The following TRAF6 variants were observed in gnomAD, a reference collection of about 807,000 sequenced individuals.
TRAF6 encodes TNF receptor associated factor 6.
In TRAF6, 10 loss-of-function variants were observed where a neutral mutation model predicts 48.4. That is an observed-to-expected ratio of 0.21 (90% CI 0.13 to 0.35). The LOEUF is 0.35. Ranked by LOEUF, TRAF6 falls within the 10% of genes least tolerant of loss-of-function variation. TRAF6 has a pLI of 1.00. For missense variants in TRAF6, 397 were observed against 661.0 expected (o/e 0.60, Z 4.38); for synonymous variants, 186 against 219.6 (o/e 0.85, Z 1.35).
At position 36,490,345 on chromosome 11, in the gene TRAF6, A is replaced by T. The variant is rs141250243; in HGVS notation, c.1062T>A (p.Ile354=). The change falls in exon 7 of 7, where the codon ATT becomes ATA. Residue 354 remains isoleucine (I), a synonymous_variant. Coordinates refer to ENST00000526995, the MANE Select transcript of TRAF6 (RefSeq NM_004620.4). This position sits in a 1 kb window ranked among gnomAD's most constrained non-coding sequence, Gnocchi z 6.4. ...IEAQQCNGIY[I]WKIGNFGMHL... ...GCATTCCAAAGTTGCCAATCTTCCA[A>T]ATATAAATTCCATTGCACTGCTGTG... is the stretch of plus-strand genomic sequence containing the variant. 4.3e-5 allele frequency: 69 copies of T among 1,614,184 alleles called. No individual in the cohort carries two copies. In the African/African-American group the frequency reaches 7.1e-4, roughly 17 times the overall value.
At chr11:36,498,115 A>C (rs989150055) in intron 3 of TRAF6, among the ~76,000 whole-genome samples, 1 of 151,924 alleles carries the variant, frequency 6.6e-6, no homozygotes, top group Non-Finnish European at 1.5e-5. Context: ...TGAACTCCTG[A>C]CCTCGTGATC....
rs778820973 is a variant in TRAF6 at position 36,489,677 on chromosome 11, A to G, written c.*161T>C. The G allele has an allele frequency of 1.2e-6, 1 of 845,348 alleles. No individual in the cohort carries two copies. Among genetic ancestry groups the G allele is most frequent in the Non-Finnish European group, 1.8e-6 (1 of 542,232 alleles). The allele number at this position is 845,348 out of a possible 1,614,324, so 52.4% of individuals were successfully genotyped here. A position where few individuals can be genotyped will look rare whatever the true frequency, so the allele number is the denominator to read the frequency against. ...GATTCCCAGGAAAAAACTGCCTCAG[A>G]TCATTTGTAACAGGAAGAAATAGTA... is the stretch of plus-strand genomic sequence containing the variant. On this transcript the variant is annotated 3_prime_UTR_variant, in exon 7 of 7. Coordinates refer to ENST00000526995, the MANE Select transcript of TRAF6 (RefSeq NM_004620.4).
At chr11:36,509,755 A>G (rs1255025155) in intron 1 of TRAF6, among the ~76,000 whole-genome samples, 1 of 151,946 alleles carries the variant, frequency 6.6e-6, no homozygotes, top group African/African-American at 2.4e-5. Context: ...GCGTGGGGAC[A>G]GAGGCTGCGT....
intron 5 of TRAF6, among the ~76,000 whole-genome samples, chr11:36,493,149 A>C (rs1469231319): frequency 2.6e-5 from 4 of 152,226 alleles, no homozygotes; most frequent in African/African-American, 9.6e-5. Flanking sequence ...AGATGTTAGA[A>C]GGTACTTTAA....
intron 5 of TRAF6, among the ~76,000 whole-genome samples, chr11:36,493,293 T>C (rs1290111061): frequency 6.6e-6 from 1 of 152,218 alleles, no homozygotes; most frequent in Non-Finnish European, 1.5e-5. Context: ...AGAAATTTAA[T>C]GTAGCTATAG....
At chr11:36,497,717 TTC>T (rs774762109) in intron 3 of TRAF6, among the ~76,000 whole-genome samples, 3 of 152,178 alleles carry the variant, frequency 2.0e-5, no homozygotes, top group Non-Finnish European at 2.9e-5. Context: ...ATCTGATTGT[TTC>T]TGTTAATCTG....
Position 36,501,334 on chromosome 11 carries a change from T to A in TRAF6, c.182A>T (p.Asp61Val). 1 of 1,614,020 alleles carries A rather than the reference T, an allele frequency of 6.2e-7. No homozygotes were observed. Among genetic ancestry groups the A allele is most frequent in the South Asian group, 1.1e-5 (1 of 91,074 alleles). ...EEIQGYDVEF[D>V]PPLESKYECP... The stretch of plus-strand genomic sequence containing the variant: ...TTCATACTTGCTTTCCAGGGGTGGG[T>A]CAAACTCTACATCATATCCCTGGAT... The change falls in exon 2 of 7, where the codon GAC (aspartate) becomes GTC (valine). Residue 61 changes from aspartate (D) to valine (V), a missense_variant. This residue lies in a region of TRAF6 where 73 missense variants were observed against 87.3 expected (regional missense o/e 0.84). Coordinates refer to ENST00000526995, the MANE Select transcript of TRAF6 (RefSeq NM_004620.4).
rs572336988 is a variant in TRAF6 at position 36,486,781 on chromosome 11, C to T, written c.*3057G>A. On this transcript the variant is annotated 3_prime_UTR_variant, in exon 7 of 7. Coordinates refer to ENST00000526995, the MANE Select transcript of TRAF6 (RefSeq NM_004620.4). ...CAACAGCAAAATGTATGACGTGCAG[C>T]AAGTTTCATCCAACAGTGGGTTGGA... Among the ~76,000 whole-genome samples, 6 of 152,240 alleles carry T rather than the reference C, an allele frequency of 3.9e-5. No individual in the cohort carries two copies. The South Asian group carries it at 1.2e-3, about 32-fold the overall frequency.
chr11:36,485,363 T>C lies in TRAF6; in HGVS notation c.*4475A>G, dbSNP rs1211894927. Among the ~76,000 whole-genome samples, 1 of 152,130 alleles carries C rather than the reference T, an allele frequency of 6.6e-6. No homozygotes were observed. The highest frequency in any genetic ancestry group is 1.5e-5 in the Non-Finnish European group (1 of 68,032). On this transcript the variant is annotated 3_prime_UTR_variant, in exon 7 of 7. Coordinates refer to ENST00000526995, the MANE Select transcript of TRAF6 (RefSeq NM_004620.4). The stretch of plus-strand genomic sequence containing the variant: ...CAGGCACTGTGGTAAGAAGAGGGGA[T>C]TCAGCAGCAACCAGAACACATCCCC...
chr11:36,492,731 C>A, intron 5 of TRAF6, 103 bp from the exon 6 acceptor site: 1 of 866,734 alleles, frequency 1.2e-6, no homozygotes, highest in Non-Finnish European at 1.9e-6. Flanking sequence ...CTTTGTACCA[C>A]ATTGGCAGTT....
At chr11:36,499,647 T>G (rs1035042554) in intron 2 of TRAF6, among the ~76,000 whole-genome samples, 2 of 152,174 alleles carry the variant, frequency 1.3e-5, no homozygotes, top group Non-Finnish European at 2.9e-5. Context: ...AAAATAGATC[T>G]TGTTAAGTCA....
intron 1 of TRAF6, among the ~76,000 whole-genome samples, chr11:36,508,451 G>A (rs1188496753): frequency 6.6e-6 from 1 of 151,986 alleles, no homozygotes; most frequent in Non-Finnish European, 1.5e-5. Context: ...AGAGAATACT[G>A]TAACATGTCT....
rs924811077 is a variant in TRAF6, at chr11:36,489,060, G to A, written c.*778C>T. On this transcript the variant is annotated 3_prime_UTR_variant, in exon 7 of 7. Transcript: ENST00000526995. ...TCACTCTGCACTGAATAGACAAAAA[G>A]GGTTACATAGCATAACAATGAGCAG... is the stretch of plus-strand genomic sequence containing the variant. 2 of 152,188 alleles carry A rather than the reference G, an allele frequency of 1.3e-5. No individual in the cohort carries two copies. The highest frequency in any genetic ancestry group is 1.3e-4 in the Admixed American group (2 of 15,282). The allele number at this position is 152,188 out of a possible 1,614,324, so 9.4% of individuals were successfully genotyped here. A position where few individuals can be genotyped will look rare whatever the true frequency, so the allele number is the denominator to read the frequency against.
chr11:36,504,155 A>G (rs1395942156), intron 1 of TRAF6, among the ~76,000 whole-genome samples: 1 of 152,118 alleles, frequency 6.6e-6, no homozygotes, highest in Non-Finnish European at 1.5e-5. Flanking sequence ...GTGGCTGCTG[A>G]TGGTTGAGGT....
intron 2 of TRAF6, 62 bp downstream of exon 2, chr11:36,501,158 G>C: frequency 7.0e-7 from 1 of 1,438,470 alleles, no homozygotes; most frequent in Non-Finnish European, 9.3e-7. Flanking sequence ...CATGTTCTAT[G>C]TAACAATGTT....
rs141828710 is a variant in TRAF6 at position 36,501,390 on chromosome 11, C to G, written c.126G>C (p.Thr42=). ...CCATAAATGAGCTGGAGAGGTTCCC[C>G]GTGCTGGCAGTTCCACCCACACTAT... ...KDDSVGGTAS[T]GNLSSSFMEE... is the part of the protein sequence containing the mutation. The change falls in exon 2 of 7, where the codon ACG becomes ACC. Residue 42 remains threonine (T), a synonymous_variant. Coordinates refer to ENST00000526995, the MANE Select transcript of TRAF6 (RefSeq NM_004620.4). The G allele has an allele frequency of 6.2e-7, 1 of 1,614,026 alleles. No homozygotes were observed. The highest frequency in any genetic ancestry group is 1.3e-5 in the African/African-American group (1 of 74,898).
rs767573599 is a variant in TRAF6, at chr11:36,492,610, G to C, written c.697C>G (p.Leu233Val). 6.2e-7 allele frequency: 1 copy of C among 1,609,778 alleles called. No homozygotes were observed. Among genetic ancestry groups the C allele is most frequent in the South Asian group, 1.1e-5 (1 of 89,688 alleles). ...IREQMPNHYDLDCPTAPIPCT... is the reference protein window; with the variant it reads ...IREQMPNHYDVDCPTAPIPCT... ...GGAATTGGGGCTGTAGGGCAGTCTA[G>C]ATCATAATGATTAGGCATCTGAAAT... Residue 233 changes from leucine (L) to valine (V), a missense_variant, in exon 6 of 7, where the codon CTA becomes GTA. Physicochemically the swap from Leu to Val is conservative, Grantham distance 32. Transcript: ENST00000526995.
In TRAF6 at chr11:36,486,670, T is replaced by C. The variant is rs1305756344; in HGVS notation, c.*3168A>G. On this transcript the variant is annotated 3_prime_UTR_variant, in exon 7 of 7. Coordinates refer to ENST00000526995, the MANE Select transcript of TRAF6 (RefSeq NM_004620.4). The stretch of plus-strand genomic sequence containing the variant: ...TATCCCCAAAATAAAAGTTAAATCA[T>C]ATTGTAGTATACCAATAAACAGTCT... Among the ~76,000 whole-genome samples, 4 of 152,216 alleles carry C rather than the reference T, an allele frequency of 2.6e-5. No individual in the cohort carries two copies. Among genetic ancestry groups the C allele is most frequent in the Admixed American group, 6.5e-5 (1 of 15,288 alleles).
rs5030421 is a variant in TRAF6, at chr11:36,505,970, C to T, written c.-23+4078G>A. On this transcript the variant is annotated intron_variant, in intron 1 of 6. Coordinates refer to ENST00000526995, the MANE Select transcript of TRAF6 (RefSeq NM_004620.4). ...TCCAAAACAACAATTACAATAGTAA[C>T]ATCAAAGATCGCTGATCACAGATCA... 4.8e-3 allele frequency among the ~76,000 whole-genome samples: 729 copies of T among 152,200 alleles called. 6 individuals carry two copies. The highest frequency in any genetic ancestry group is 0.016 in the African/African-American group (665 of 41,534).
Sources: allele counts gnomAD v4.1 joint callset (sites outside exome capture counted in the v4.1 genomes callset), GRCh38; gene constraint gnomAD v4.1.1; regional missense constraint gnomAD v4.1.1; non-coding constraint Gnocchi (gnomAD v3.1); transcripts MANE v1.5; gene names NCBI Gene and HGNC (gene_info 2026-07-23, HGNC 2026-07-21).